UNC13B: variants seen among roughly 807,000 people sequenced by gnomAD.
UNC13B encodes unc-13 homolog B.
In UNC13B, 144 loss-of-function variants were observed where a neutral mutation model predicts 211.0. The ratio of observed to expected loss-of-function variants is 0.68; its 90% CI spans 0.60 to 0.78. The LOEUF (loss-of-function observed/expected upper bound fraction) is 0.78. Among genes scored for constraint, UNC13B ranks in the 30% least tolerant of loss-of-function variants. The pLI, the probability that UNC13B is intolerant of heterozygous loss-of-function variation, is 0.00. For missense variants in UNC13B, 1,777 were observed against 2,002.0 expected (o/e 0.89, Z 2.14); for synonymous variants, 709 against 725.8 (o/e 0.98, Z 0.37).
chr9:35,399,837 A>G, intron 36 of UNC13B, 108 bp downstream of exon 36: 1 of 1,076,290 alleles, frequency 9.3e-7, no homozygotes, highest in Non-Finnish European at 1.4e-6. Flanking sequence ...CTCCACATCC[A>G]GAAGAGAGTT....
At chr9:35,275,799 A>T (rs550897090) in intron 7 of UNC13B, among the ~76,000 whole-genome samples, 3 of 152,094 alleles carry the variant, frequency 2.0e-5, no homozygotes, top group African/African-American at 7.2e-5. Context: ...CACAATGTTG[A>T]CTAGGCTGGT....
At chr9:35,400,827 T>A (rs762291429) in intron 37 of UNC13B, among the ~76,000 whole-genome samples, 8 of 151,732 alleles carry the variant, frequency 5.3e-5, no homozygotes, top group Admixed American at 2.6e-4. Context: ...TTGCTGGGAG[T>A]TGTTCTGGGG....
At chr9:35,381,013 C>T (rs1834793058) in intron 18 of UNC13B, 87 bp from the exon 19 acceptor site, 4 of 1,346,196 alleles carry the variant, frequency 3.0e-6, no homozygotes, top group East Asian at 4.9e-5. Flanking sequence ...GGGTTGGCCC[C>T]TTCTCTTCCT....
chr9:35,240,441 C>T (rs1005620852), intron 5 of UNC13B, among the ~76,000 whole-genome samples: 1 of 152,062 alleles, frequency 6.6e-6, no homozygotes, highest in Non-Finnish European at 1.5e-5. Flanking sequence ...AAACTCAGAA[C>T]AACTATTATT....
At chr9:35,169,391 G>A (rs796847473) in intron 1 of UNC13B, among the ~76,000 whole-genome samples, 3 of 152,214 alleles carry the variant, frequency 2.0e-5, no homozygotes, top group East Asian at 1.9e-4. Context: ...AACTAGACAC[G>A]TTGATTGTGC....
intron 1 of UNC13B, among the ~76,000 whole-genome samples, chr9:35,176,703 A>T (rs952458038): frequency 1.3e-5 from 2 of 152,246 alleles, no homozygotes; most frequent in African/African-American, 4.8e-5. Flanking sequence ...AGGAAGAATC[A>T]TACAAATTAA....
intron 6 of UNC13B, among the ~76,000 whole-genome samples, chr9:35,251,805 A>T (rs752046195): frequency 2.7e-4 from 41 of 152,302 alleles, no homozygotes; most frequent in Admixed American, 5.2e-4. Flanking sequence ...CAAGAGCCAG[A>T]TAAGATGTGC....
intron 11 of UNC13B, among the ~76,000 whole-genome samples, chr9:35,339,201 C>T (rs1831839157): frequency 1.3e-5 from 2 of 152,284 alleles, no homozygotes; most frequent in South Asian, 4.1e-4. Flanking sequence ...GGATAAATGC[C>T]TTTTCCTTCT....
chr9:35,344,871 A>T (rs1225424082), intron 11 of UNC13B, among the ~76,000 whole-genome samples: 2 of 152,120 alleles, frequency 1.3e-5, no homozygotes, highest in African/African-American at 4.8e-5. Flanking sequence ...TTATTCAATG[A>T]CAGGGTTGGT....
chr9:35,388,290 C>T (rs1187185337), intron 24 of UNC13B, among the ~76,000 whole-genome samples: 1 of 152,058 alleles, frequency 6.6e-6, no homozygotes, highest in Non-Finnish European at 1.5e-5. Context: ...TGCTTGGAAT[C>T]CCAGCTACTT....
intron 7 of UNC13B, among the ~76,000 whole-genome samples, chr9:35,283,844 G>A (rs1279274942): frequency 6.6e-6 from 1 of 152,166 alleles, no homozygotes; most frequent in Non-Finnish European, 1.5e-5. Flanking sequence ...GTGATAGGCA[G>A]CGTGAACAGC....
intron 1 of UNC13B, among the ~76,000 whole-genome samples, chr9:35,165,861 A>G (rs1255783184): frequency 2.0e-5 from 3 of 152,146 alleles, no homozygotes; most frequent in Non-Finnish European, 2.9e-5. Context: ...TTGGGCTTCC[A>G]TAGGGACCAG....
At chr9:35,350,748 T>C (rs1325791927) in intron 11 of UNC13B, among the ~76,000 whole-genome samples, 1 of 152,262 alleles carries the variant, frequency 6.6e-6, no homozygotes, top group African/African-American at 2.4e-5. Context: ...CCATTGTCCT[T>C]TCTCCAAGTG....
intron 7 of UNC13B, among the ~76,000 whole-genome samples, chr9:35,294,809 C>T (rs1829269105): frequency 6.6e-6 from 1 of 152,144 alleles, no homozygotes; most frequent in African/African-American, 2.4e-5. Context: ...TCAAAGCACT[C>T]TTAGGTTGAG....
intron 5 of UNC13B, among the ~76,000 whole-genome samples, chr9:35,241,440 A>T (rs1018063214): frequency 6.6e-6 from 1 of 152,142 alleles, no homozygotes; most frequent in African/African-American, 2.4e-5. Context: ...GAATAAATTA[A>T]TAATGGTTTA....
intron 11 of UNC13B, among the ~76,000 whole-genome samples, chr9:35,358,329 T>G (rs543082840): frequency 6.6e-6 from 1 of 152,352 alleles, no homozygotes; most frequent in South Asian, 2.1e-4. Context: ...CCAAAGTGGA[T>G]TGATCAAATT....
At chr9:35,163,988 G>T (rs933249886) in intron 1 of UNC13B, among the ~76,000 whole-genome samples, 5 of 152,142 alleles carry the variant, frequency 3.3e-5, no homozygotes, top group African/African-American at 4.8e-5. Context: ...AAAACTTACA[G>T]AAATGAATTG....
In UNC13B at chr9:35,381,661, G is replaced by A. The variant is rs527934887; in HGVS notation, c.10597G>A (p.Glu3533Lys). The A allele has an allele frequency of 1.9e-6, 3 of 1,614,220 alleles. No homozygotes were observed. Among genetic ancestry groups the A allele is most frequent in the South Asian group, 2.2e-5 (2 of 91,086 alleles). Reference sequence around the variant, plus strand: ...GGTGTACTTTGATGAGACAGCCCAAGAAATTGTGGATGAATTTGCCATGCG... The same window carrying A: ...GGTGTACTTTGATGAGACAGCCCAAAAAATTGTGGATGAATTTGCCATGCG... ...WKVYFDETAQ[E>K]IVDEFAMRYG... The change falls in exon 20 of 40, where the codon GAA (glutamate) becomes AAA (lysine). Residue 3533 changes from glutamate to lysine, a missense_variant. Physicochemically the swap from Glu to Lys is moderately conservative, Grantham distance 56. Transcript: ENST00000635942.
chr9:35,352,905 C>G (rs776290494), intron 11 of UNC13B: 5 of 1,231,980 alleles, frequency 4.1e-6, no homozygotes, highest in African/African-American at 3.1e-5. Flanking sequence ...GTAGGAAAAC[C>G]AGAAAATGAC....
Sources: allele counts gnomAD v4.1 joint callset (sites outside exome capture counted in the v4.1 genomes callset), GRCh38; gene constraint gnomAD v4.1.1; transcripts MANE v1.5; gene names NCBI Gene and HGNC (gene_info 2026-07-23, HGNC 2026-07-21).